Variants in LRP1B observed in about 807,000 individuals in gnomAD.
The protein encoded by LRP1B is LDL receptor related protein 1B.
A neutral mutation model predicts 556.6 loss-of-function variants in LRP1B; 217 were observed. That is an observed-to-expected ratio of 0.39 (90% confidence interval 0.35 to 0.44). The LOEUF is 0.44. Among genes scored for constraint, LRP1B ranks in the 20% least tolerant of loss-of-function variants. The pLI, the probability that LRP1B is intolerant of heterozygous loss-of-function variation, is 1.00. For missense variants in LRP1B, 5,053 were observed against 5,620.8 expected, an observed-to-expected ratio of 0.90 and a Z score of 3.23; for synonymous variants, 2,047 against 1,865.8, an observed-to-expected ratio of 1.10 and a Z score of -2.50.
chr2:141,385,916 T>C (rs1439255299), intron 3 of LRP1B, among the ~76,000 whole-genome samples: 4 of 152,208 alleles, frequency 2.6e-5, no homozygotes, highest in Non-Finnish European at 2.9e-5. Flanking sequence ...AATGTATTAA[T>C]GGCATGTCAT....
intron 66 of LRP1B, among the ~76,000 whole-genome samples, chr2:140,428,423 A>G (rs995500875): frequency 5.9e-5 from 9 of 152,200 alleles, no homozygotes; most frequent in African/African-American, 2.2e-4. Context: ...TACAAGTGCC[A>G]GAAATCTGGC....
intron 1 of LRP1B, among the ~76,000 whole-genome samples, chr2:142,087,010 G>A (rs1256349661): frequency 6.6e-6 from 1 of 152,000 alleles, no homozygotes; most frequent in African/African-American, 2.4e-5. Flanking sequence ...CACATTGCAG[G>A]AGAGTGTTGA....
In LRP1B at chr2:141,123,071, G is replaced by A. The variant is rs1201583408; in HGVS notation, c.1014-60798C>T. 2.6e-5 allele frequency among the ~76,000 whole-genome samples: 4 copies of A among 151,996 alleles called. No homozygotes were observed. In the East Asian group the frequency reaches 5.8e-4, roughly 22 times the overall value. ...CAGTGAGAACACTTGGACACAGGAA[G>A]GGGAACATCACACACCAGGGCCTGT... is the stretch of plus-strand genomic sequence containing the variant. On this transcript the variant is annotated intron_variant, in intron 7 of 90. Coordinates refer to ENST00000389484, the MANE Select transcript of LRP1B (RefSeq NM_018557.3).
intron 62 of LRP1B, among the ~76,000 whole-genome samples, chr2:140,451,555 G>A (rs986065052): frequency 1.3e-4 from 20 of 152,134 alleles, no homozygotes; most frequent in African/African-American, 4.8e-4. Context: ...TTCCAGCTCT[G>A]TCATGCTGTG....
chr2:141,231,150 A>C (rs547378731), intron 5 of LRP1B, among the ~76,000 whole-genome samples: 14 of 152,368 alleles, frequency 9.2e-5, no homozygotes, highest in African/African-American at 3.1e-4. Context: ...TAAGAAACTG[A>C]AGCTGAGCAC....
intron 1 of LRP1B, among the ~76,000 whole-genome samples, chr2:142,104,141 C>T (rs1045518628): frequency 2.6e-5 from 4 of 152,040 alleles, no homozygotes; most frequent in South Asian, 2.1e-4. Flanking sequence ...CTTAGTGGTG[C>T]GGAAGAGGGA....
chr2:140,595,286 T>C (rs1380192121), intron 43 of LRP1B, among the ~76,000 whole-genome samples: 1 of 151,870 alleles, frequency 6.6e-6, no homozygotes, highest in Non-Finnish European at 1.5e-5. Context: ...AACACTGGCA[T>C]GTGTTAGATT....
At chr2:140,820,081 C>A (rs1464975692) in intron 31 of LRP1B, among the ~76,000 whole-genome samples, 1 of 152,122 alleles carries the variant, frequency 6.6e-6, no homozygotes, top group Non-Finnish European at 1.5e-5. Flanking sequence ...CTGACTGCAA[C>A]CTCTGCCTCC....
intron 5 of LRP1B, among the ~76,000 whole-genome samples, chr2:141,243,615 C>T (rs1683961001): frequency 6.6e-6 from 1 of 152,070 alleles, no homozygotes; most frequent in African/African-American, 2.4e-5. Context: ...ACTATGCATA[C>T]TTAAATTAAA....
intron 2 of LRP1B, among the ~76,000 whole-genome samples, chr2:141,524,263 A>AATGT (rs1553528059): frequency 4.1e-5 from 6 of 148,050 alleles, no homozygotes; most frequent in Non-Finnish European, 9.0e-5. Context: ...ATAAGCAAAG[A>AATGT]ATATATATAT....
At chr2:141,807,088 C>A (rs1404639154) in intron 2 of LRP1B, among the ~76,000 whole-genome samples, 1 of 152,022 alleles carries the variant, frequency 6.6e-6, no homozygotes, top group East Asian at 1.9e-4. Flanking sequence ...TAATATTTAT[C>A]TTTCATATCG....
intron 29 of LRP1B, among the ~76,000 whole-genome samples, chr2:140,848,291 A>T (rs551502006): frequency 6.6e-6 from 1 of 152,332 alleles, no homozygotes; most frequent in African/African-American, 2.4e-5. Context: ...CTTGTAAAAA[A>T]ATTCTGAACA....
At chr2:141,534,043 G>C (rs1406579242) in intron 2 of LRP1B, among the ~76,000 whole-genome samples, 5 of 151,758 alleles carry the variant, frequency 3.3e-5, no homozygotes, top group Non-Finnish European at 7.4e-5. Context: ...GAAGGAAAAA[G>C]AGAAAGAGAG....
intron 62 of LRP1B, among the ~76,000 whole-genome samples, chr2:140,454,833 G>C (rs72990635): frequency 0.016 from 2,422 of 152,118 alleles, 65 homozygotes; most frequent in African/African-American, 0.053. Flanking sequence ...TCTGTGCCTT[G>C]CTATTTGAGA....
rs1255800606 is a variant in LRP1B at position 140,846,859 on chromosome 2, T to C, written c.4939+3243A>G. Reference sequence around the variant, plus strand: ...ACTGGTGGAATTTGAGATCCTTTGATGAGTTCAGATGCTAAACTGTCAAAA... The same window carrying C: ...ACTGGTGGAATTTGAGATCCTTTGACGAGTTCAGATGCTAAACTGTCAAAA... On this transcript the variant is annotated intron_variant, in intron 29 of 90. Coordinates refer to ENST00000389484, the MANE Select transcript of LRP1B (RefSeq NM_018557.3). Among the ~76,000 whole-genome samples the C allele has an allele frequency of 3.9e-5, 6 of 152,302 alleles. No individual in the cohort carries two copies. The East Asian group carries it at 1.2e-3, about 29-fold the overall frequency.
rs1683066511 is a variant in LRP1B at position 140,373,142 on chromosome 2, G to A, written c.10639-5C>T. On this transcript the variant is annotated splice_polypyrimidine_tract_variant and splice_region_variant and intron_variant, in intron 68 of 90. Coordinates refer to ENST00000389484, the MANE Select transcript of LRP1B (RefSeq NM_018557.3). ...ACAACTTGTCTCACAATTTCTCTAT[G>A]AAAAACAACAGAGATATAATCAAAA... is the stretch of plus-strand genomic sequence containing the variant. 6.2e-7 allele frequency: 1 copy of A among 1,611,452 alleles called. No homozygotes were observed. The highest frequency in any genetic ancestry group is 1.1e-5 in the South Asian group (1 of 90,936).
At chr2:141,259,067 A>G (rs1684589790) in intron 3 of LRP1B, among the ~76,000 whole-genome samples, 1 of 152,234 alleles carries the variant, frequency 6.6e-6, no homozygotes, top group African/African-American at 2.4e-5. Flanking sequence ...TCAAGGTAAC[A>G]GTTTACAAGT....
chr2:141,900,357 T>C (rs1323536018), intron 1 of LRP1B, among the ~76,000 whole-genome samples: 3 of 152,108 alleles, frequency 2.0e-5, no homozygotes, highest in African/African-American at 7.2e-5. Context: ...TTTGCAGATA[T>C]GCAAAAGAAA....
chr2:140,848,481 G>A (rs1410185786), intron 29 of LRP1B, among the ~76,000 whole-genome samples: 1 of 152,138 alleles, frequency 6.6e-6, no homozygotes. Context: ...AATACTCTCA[G>A]ATCTATTAAT....
Sources: gnomAD v4.1 joint callset for allele counts (sites outside exome capture counted in the v4.1 genomes callset) on GRCh38, gnomAD v4.1.1 for gene constraint, MANE v1.5 for transcripts, NCBI Gene and HGNC (gene_info 2026-07-23, HGNC 2026-07-21) for gene names.